The following MAGI3 variants were observed in gnomAD, a reference collection of about 807,000 sequenced individuals.
The protein encoded by MAGI3 is membrane associated guanylate kinase, WW and PDZ domain containing 3.
MAGI3 carries 43 observed loss-of-function variants against 121.8 expected under a neutral mutation model. That is an observed-to-expected ratio of 0.35 (90% CI 0.28 to 0.46). MAGI3 has a LOEUF of 0.46. MAGI3 is among the 20% of genes least tolerant of loss of function. The pLI, the probability that MAGI3 is intolerant of heterozygous loss-of-function variation, is 1.00. For synonymous variants in MAGI3, 553 were observed against 639.3 expected, an observed-to-expected ratio of 0.86 and a Z score of 2.04; for missense variants, 1,547 against 1,797.3, an observed-to-expected ratio of 0.86 and a Z score of 2.52.
At chr1:113,617,898 G>C (rs936362553) in intron 7 of MAGI3, among the ~76,000 whole-genome samples, 4 of 152,184 alleles carry the variant, frequency 2.6e-5, no homozygotes, top group African/African-American at 9.7e-5. Context: ...TTGAGTGTCA[G>C]TGAAATCAGA....
chr1:113,681,873 A>G (rs761340439), intron 20 of MAGI3, among the ~76,000 whole-genome samples: 1 of 152,148 alleles, frequency 6.6e-6, no homozygotes, highest in Non-Finnish European at 1.5e-5. Context: ...TTAATGTTAA[A>G]CTTCCTGGGT....
intron 6 of MAGI3, among the ~76,000 whole-genome samples, chr1:113,595,764 T>C (rs1472653438): frequency 6.6e-6 from 1 of 152,192 alleles, no homozygotes; most frequent in African/African-American, 2.4e-5. Context: ...GACAAGAGGC[T>C]GGGCATGATG....
At position 113,472,264 on chromosome 1, in the gene MAGI3, G is replaced by A. The variant is rs546565234; in HGVS notation, c.317-77251G>A. 3.6e-4 allele frequency among the ~76,000 whole-genome samples: 54 copies of A among 150,456 alleles called. 4 individuals are homozygous for A. The East Asian group carries it at 9.4e-3, about 26-fold the overall frequency. ...GTCACCCAGGCTGGAGTGCAGTGGC[G>A]CGATCTCGGCTCACTGCAAGCTCCG... On this transcript the variant is annotated intron_variant, in intron 1 of 20. Coordinates refer to ENST00000307546, the MANE Select transcript of MAGI3 (RefSeq NM_001142782.2).
At chr1:113,565,439 G>A (rs1478901248) in intron 2 of MAGI3, among the ~76,000 whole-genome samples, 5 of 151,842 alleles carry the variant, frequency 3.3e-5, no homozygotes, top group African/African-American at 4.8e-5. Flanking sequence ...TTTTAGATCC[G>A]TTTCTTATTT....
At chr1:113,439,405 C>T (rs888971942) in intron 1 of MAGI3, among the ~76,000 whole-genome samples, 2 of 152,186 alleles carry the variant, frequency 1.3e-5, no homozygotes. Context: ...CTACTGAGAG[C>T]ATATTTCTGC....
In MAGI3 at chr1:113,594,390, T is replaced by A. The variant is rs982965559; in HGVS notation, c.939-91T>A. The A allele has an allele frequency of 1.6e-5, 11 of 672,668 alleles. No homozygotes were observed. The African/African-American group carries it at 3.7e-4, about 23-fold the overall frequency. 41.7% of individuals were successfully genotyped at this position (672,668 alleles called of 1,614,324 possible). On this transcript the variant is annotated intron_variant, in intron 5 of 20. Transcript: ENST00000307546. ...CCTGTTGGAGATTAATGTTCAAACATCATGTCTTTTAGTCACTTTTAATCT... is the reference window on the plus strand; with the variant it reads ...CCTGTTGGAGATTAATGTTCAAACAACATGTCTTTTAGTCACTTTTAATCT...
intron 2 of MAGI3, among the ~76,000 whole-genome samples, chr1:113,554,049 CAT>C (rs1170816904): frequency 6.6e-6 from 1 of 152,072 alleles, no homozygotes; most frequent in African/African-American, 2.4e-5. Flanking sequence ...AAAATGGAAA[CAT>C]TGTGTAACAA....
chr1:113,587,919 G>C (rs754336190), intron 4 of MAGI3, among the ~76,000 whole-genome samples: 1 of 152,080 alleles, frequency 6.6e-6, no homozygotes, highest in South Asian at 2.1e-4. Context: ...AATAAATCAT[G>C]TGTTTGATTC....
chr1:113,404,385 G>A (rs974475484), intron 1 of MAGI3: 1 of 152,052 alleles, frequency 6.6e-6, no homozygotes, highest in South Asian at 2.1e-4. Context: ...AATTTTGTGA[G>A]TTGTCAAACA....
At chr1:113,597,584 A>G (rs1189277286) in intron 6 of MAGI3, among the ~76,000 whole-genome samples, 4 of 152,182 alleles carry the variant, frequency 2.6e-5, no homozygotes, top group Non-Finnish European at 5.9e-5. Context: ...TATCACTACA[A>G]TGAGATACCA....
chr1:113,557,064 C>T (rs973520767), intron 2 of MAGI3, among the ~76,000 whole-genome samples: 3 of 152,200 alleles, frequency 2.0e-5, no homozygotes, highest in Admixed American at 1.3e-4. Context: ...GAGGGGTAGG[C>T]ACCATCTCTG....
Position 113,593,258 on chromosome 1 carries a change from A to G in MAGI3, c.939-1223A>G, listed in dbSNP as rs150709401. On this transcript the variant is annotated intron_variant, in intron 5 of 20. Coordinates refer to ENST00000307546, the MANE Select transcript of MAGI3 (RefSeq NM_001142782.2). ...TTTACATTCATTGTTACTAATTAAT[A>G]ACAGTTAATTACTTCAGTTAAGTAT... 5.6e-3 allele frequency among the ~76,000 whole-genome samples: 848 copies of G among 152,342 alleles called. 8 individuals carry two copies. The highest frequency in any genetic ancestry group is 7.3e-3 in the Non-Finnish European group (497 of 68,036).
chr1:113,651,766 C>T (rs1468634546), intron 14 of MAGI3, among the ~76,000 whole-genome samples: 1 of 152,224 alleles, frequency 6.6e-6, no homozygotes, highest in Non-Finnish European at 1.5e-5. Flanking sequence ...GCTGGAATTA[C>T]AGGCGTGAGC....
In MAGI3 at chr1:113,683,444, G is replaced by T; in HGVS notation, c.3876G>T (p.Gln1292His). The T allele has an allele frequency of 6.2e-7, 1 of 1,613,934 alleles. No individual in the cohort carries two copies. Among genetic ancestry groups the T allele is most frequent in the Non-Finnish European group, 8.5e-7 (1 of 1,179,890 alleles). ...GTCGGTCGGCCAGCCCAAAAAAGCA[G>T]CAAAAAATTGAAGGAAGCAAAGCTC... ...SRGRSASPKK[Q>H]QKIEGSKAPS... The change falls in exon 21 of 21, where the codon CAG becomes CAT. Residue 1292 changes from glutamine (Q) to histidine (H), a missense_variant. Transcript: ENST00000307546.
At chr1:113,574,223 A>G (rs12039224) in intron 2 of MAGI3, among the ~76,000 whole-genome samples, 45,458 of 152,004 alleles carry the variant, frequency 0.3, 7,489 homozygotes, top group East Asian at 0.65. Flanking sequence ...TGTATTAATT[A>G]TATCCTGTCA....
chr1:113,404,946 G>A (rs1651595278), intron 1 of MAGI3, among the ~76,000 whole-genome samples: 1 of 152,064 alleles, frequency 6.6e-6, no homozygotes, highest in Non-Finnish European at 1.5e-5. Context: ...GTTGCCAGCT[G>A]TAATAGAATA....
chr1:113,517,286 C>T (rs533895208), intron 1 of MAGI3, among the ~76,000 whole-genome samples: 2 of 151,586 alleles, frequency 1.3e-5, no homozygotes, highest in South Asian at 2.1e-4. Flanking sequence ...ACTATCTTTA[C>T]GATTTTTCTG....
chr1:113,448,274 T>A (rs1209960448), intron 1 of MAGI3, among the ~76,000 whole-genome samples: 1 of 152,230 alleles, frequency 6.6e-6, no homozygotes, highest in Non-Finnish European at 1.5e-5. Context: ...AAGATGTATG[T>A]TACAACAAGG....
rs774678623 is a variant in MAGI3 at position 113,391,273 on chromosome 1, C to T, written c.240C>T (p.Ser80=). ...VLLEVNGTPV[S]GLTNRDTLAV... ...TGGAGGTAAACGGGACGCCTGTCAGCGGGCTCACCAACCGGGACACCCTGG... is the reference window on the plus strand; with the variant it reads ...TGGAGGTAAACGGGACGCCTGTCAGTGGGCTCACCAACCGGGACACCCTGG... The change falls in exon 1 of 21, where the codon AGC becomes AGT. Residue 80 remains serine (S), a synonymous_variant. Coordinates refer to ENST00000307546, the MANE Select transcript of MAGI3 (RefSeq NM_001142782.2). The surrounding 1 kb of genome is among the most constrained non-coding windows in gnomAD (Gnocchi z 4.4). The T allele has an allele frequency of 3.1e-6, 5 of 1,588,738 alleles. No homozygotes were observed. Among genetic ancestry groups the T allele is most frequent in the Admixed American group, 1.8e-5 (1 of 56,992 alleles).
Sources: gnomAD v4.1 joint callset for allele counts (sites outside exome capture counted in the v4.1 genomes callset) on GRCh38, gnomAD v4.1.1 for gene constraint, Gnocchi (gnomAD v3.1) non-coding constraint, MANE v1.5 for transcripts, NCBI Gene and HGNC (gene_info 2026-07-23, HGNC 2026-07-21) for gene names.